The following SLC22A2 variants were observed in gnomAD, a reference collection of about 807,000 sequenced individuals.
SLC22A2 encodes organic cation transporter 2.
A neutral mutation model predicts 60.5 loss-of-function variants in SLC22A2; 46 were observed. The ratio of observed to expected loss-of-function variants is 0.76; its 90% confidence interval spans 0.60 to 0.97. The LOEUF is 0.97. Among genes scored for constraint, SLC22A2 ranks in the 50% least tolerant of loss-of-function variants. The pLI, the probability that SLC22A2 is intolerant of heterozygous loss-of-function variation, is 0.00. For missense variants in SLC22A2, 701 were observed against 706.6 expected (o/e 0.99, Z 0.09); for synonymous variants, 303 against 267.0 (o/e 1.13, Z -1.31).
chr6:160,241,515 C>A lies in SLC22A2; in HGVS notation c.1460G>T (p.Arg487Leu). Residue 487 changes from arginine (R) to leucine (L), a missense_variant, in exon 9 of 11, where the codon CGG becomes CTG. Physicochemically the swap from Arg to Leu is moderately radical, Grantham distance 102 (BLOSUM62 -2). Transcript: ENST00000366953. The part of the protein sequence containing the change: ...GGIITPFLVY[R>L]LTNIWLELPL... The stretch of plus-strand genomic sequence containing the variant: ...GAGCTCAAGCCAGATGTTAGTGAGC[C>A]GGTAGACCAGGAATGGCGTGATGAT... 1.2e-6 allele frequency: 2 copies of A among 1,613,652 alleles called. No individual in the cohort carries two copies. Among genetic ancestry groups the A allele is most frequent in the Non-Finnish European group, 8.5e-7 (1 of 1,179,704 alleles).
At chr6:160,229,648 C>A (rs1028271142) in intron 9 of SLC22A2, among the ~76,000 whole-genome samples, 1 of 151,768 alleles carries the variant, frequency 6.6e-6, no homozygotes, top group African/African-American at 2.4e-5. Context: ...GGGGCAAGCA[C>A]CCCCCACTCC....
chr6:160,257,184 T>C (rs1049124508), intron 1 of SLC22A2, among the ~76,000 whole-genome samples: 1 of 152,242 alleles, frequency 6.6e-6, no homozygotes, highest in African/African-American at 2.4e-5. Context: ...GACAAATTTA[T>C]TTTTTCCTTT....
chr6:160,256,415 G>T (rs1422714014), intron 2 of SLC22A2, among the ~76,000 whole-genome samples, 199 bp downstream of exon 2: 1 of 152,206 alleles, frequency 6.6e-6, no homozygotes, highest in African/African-American at 2.4e-5. Flanking sequence ...TGACCCCAGA[G>T]AATTTGAAAA....
intron 10 of SLC22A2, among the ~76,000 whole-genome samples, chr6:160,221,629 C>G (rs1171371192): frequency 6.6e-6 from 1 of 152,146 alleles, no homozygotes; most frequent in Non-Finnish European, 1.5e-5. Context: ...CATTTAACAC[C>G]TAGAGGGCAT....
chr6:160,250,508 G>T, intron 3 of SLC22A2, 40 bp downstream of exon 3: 2 of 1,610,526 alleles, frequency 1.2e-6, no homozygotes, highest in South Asian at 1.1e-5. Context: ...TGGCAGCGAG[G>T]TTGCTTTGTT....
chr6:160,238,345 C>T (rs889512544), intron 9 of SLC22A2, among the ~76,000 whole-genome samples: 5 of 152,178 alleles, frequency 3.3e-5, no homozygotes, highest in African/African-American at 1.2e-4. Context: ...CTCCAAGCCT[C>T]CCAAGATTCA....
At chr6:160,243,865 T>A in intron 6 of SLC22A2, 79 bp from the exon 7 acceptor site, 1 of 987,236 alleles carries the variant, frequency 1.0e-6, no homozygotes, top group Non-Finnish European at 1.6e-6. Flanking sequence ...GGAAAAATAA[T>A]GTGGATTGTA....
At chr6:160,225,190 T>G (rs3798158) in intron 9 of SLC22A2, among the ~76,000 whole-genome samples, 6,766 of 152,244 alleles carry the variant, frequency 0.044, 291 homozygotes, top group East Asian at 0.18. Context: ...CTTGGATCAT[T>G]TCTAGCAAAT....
At chr6:160,235,712 A>T (rs1243262176) in intron 9 of SLC22A2, among the ~76,000 whole-genome samples, 1 of 151,778 alleles carries the variant, frequency 6.6e-6, no homozygotes, top group Non-Finnish European at 1.5e-5. Flanking sequence ...GCTCTTTAAT[A>T]AAAAGTTTGT....
chr6:160,257,704 C>T (rs984621587), intron 1 of SLC22A2: 2 of 152,120 alleles, frequency 1.3e-5, no homozygotes, highest in Admixed American at 6.6e-5. Flanking sequence ...AACTTAATTC[C>T]CCTATTTTGC....
At chr6:160,225,293 GT>G (rs1170999784) in intron 9 of SLC22A2, among the ~76,000 whole-genome samples, 4 of 152,064 alleles carry the variant, frequency 2.6e-5, no homozygotes, top group African/African-American at 9.7e-5. Context: ...TTAAATTCCC[GT>G]TATTCCTTTT....
chr6:160,231,745 C>T (rs1435036878), intron 9 of SLC22A2, among the ~76,000 whole-genome samples: 3 of 151,776 alleles, frequency 2.0e-5, no homozygotes, highest in Admixed American at 2.0e-4. Context: ...TCTAGATAAA[C>T]CTAGCTGACC....
At chr6:160,218,944 A>G (rs957396846) in intron 10 of SLC22A2, among the ~76,000 whole-genome samples, 1 of 59,032 alleles carries the variant, frequency 1.7e-5, no homozygotes, top group African/African-American at 5.4e-5. Context: ...TAGCAGTAGT[A>G]ATAGCAGCAA....
chr6:160,258,445 C>A lies in SLC22A2; in HGVS notation c.313G>T (p.Asp105Tyr), dbSNP rs753326999. The A allele has an allele frequency of 2.0e-5, 33 of 1,614,020 alleles. No homozygotes were observed. Among genetic ancestry groups the A allele is most frequent in the Non-Finnish European group, 1.9e-5 (23 of 1,180,036 alleles). Reference sequence around the variant, plus strand: ...TTGGTGTCCAGGCTGGCCAGGGGGTCCACGCAGTCGAAGGTGCTCTGGTTC... The same window carrying A: ...TTGGTGTCCAGGCTGGCCAGGGGGTACACGCAGTCGAAGGTGCTCTGGTTC... ...DWNQSTFDCV[D>Y]PLASLDTNRS... Residue 105 changes from aspartate to tyrosine, a missense_variant, in exon 1 of 11, where the codon GAC (aspartate) becomes TAC (tyrosine). Asp to Tyr is a radical substitution (Grantham distance 160). Coordinates refer to ENST00000366953, the MANE Select transcript of SLC22A2 (RefSeq NM_003058.4).
In SLC22A2 at chr6:160,253,514, T is replaced by A. The variant is rs565341525; in HGVS notation, c.519-2812A>T. Among the ~76,000 whole-genome samples the A allele has an allele frequency of 5.3e-5, 8 of 152,238 alleles. No individual in the cohort carries two copies. The South Asian group carries it at 1.7e-3, about 32-fold the overall frequency. On this transcript the variant is annotated intron_variant, in intron 2 of 10. Transcript: ENST00000366953. Reference sequence around the variant, plus strand: ...TTAGCTAGTCCTCAGTTTGGTCTGGTGTCCAAGCCCCGCCTCCAGAGTCAA... The same window carrying A: ...TTAGCTAGTCCTCAGTTTGGTCTGGAGTCCAAGCCCCGCCTCCAGAGTCAA...
chr6:160,224,728 G>T lies in SLC22A2; in HGVS notation c.1578C>A (p.Ile526=). The part of the protein sequence containing the change: ...ETKGKALPET[I]EEAENMQRPR... ...ACCTTTGCATATTTTCGGCTTCCTC[G>T]ATGGTCTCAGGCAAAGCTTTCCCTT... Residue 526 remains isoleucine (I), a synonymous_variant, in exon 10 of 11, where the codon ATC becomes ATA. Coordinates refer to ENST00000366953, the MANE Select transcript of SLC22A2 (RefSeq NM_003058.4). 6.2e-7 allele frequency: 1 copy of T among 1,603,736 alleles called. No homozygotes were observed. Among genetic ancestry groups the T allele is most frequent in the Non-Finnish European group, 8.5e-7 (1 of 1,174,280 alleles).
At chr6:160,239,091 G>A (rs531293951) in intron 9 of SLC22A2, among the ~76,000 whole-genome samples, 5 of 152,230 alleles carry the variant, frequency 3.3e-5, no homozygotes, top group Admixed American at 2.0e-4. Flanking sequence ...AACCAAGATG[G>A]CGATGGAAGT....
intron 9 of SLC22A2, among the ~76,000 whole-genome samples, chr6:160,237,272 A>C (rs1782925272): frequency 6.6e-6 from 1 of 152,198 alleles, no homozygotes; most frequent in African/African-American, 2.4e-5. Context: ...CATGGTTTCA[A>C]CAATTGCCAG....
intron 2 of SLC22A2, 97 bp downstream of exon 2, chr6:160,256,517 C>T (rs979543716): frequency 2.5e-6 from 2 of 799,266 alleles, no homozygotes; most frequent in South Asian, 3.0e-5. Flanking sequence ...GGTCTGTGTG[C>T]TTGGGAAAGG....
Sources: allele counts gnomAD v4.1 joint callset (sites outside exome capture counted in the v4.1 genomes callset), GRCh38; gene constraint gnomAD v4.1.1; transcripts MANE v1.5; gene names NCBI Gene and HGNC (gene_info 2026-07-23, HGNC 2026-07-21).